The following GRIN2B variants were observed in gnomAD, a reference collection of about 807,000 sequenced individuals.
GRIN2B encodes the protein glutamate ionotropic receptor NMDA type subunit 2B.
Under a neutral mutation model 114.5 loss-of-function variants are expected in GRIN2B, and 5 were observed. That is an observed-to-expected ratio of 0.04 (90% CI 0.02 to 0.09). The LOEUF is 0.09. GRIN2B is among the 10% of genes least tolerant of loss of function. The pLI is 1.00. For missense variants in GRIN2B, 1,108 were observed against 1,943.5 expected, an observed-to-expected ratio of 0.57 and a Z score of 8.08; for synonymous variants, 787 against 745.1, an observed-to-expected ratio of 1.06 and a Z score of -0.92.
chr12:13,908,693 T>G (rs1022752010), intron 2 of GRIN2B, among the ~76,000 whole-genome samples: 1 of 152,126 alleles, frequency 6.6e-6, no homozygotes, highest in East Asian at 1.9e-4. Context: ...TTCAAATACA[T>G]GAAGGCAACT....
At position 13,557,407 on chromosome 12, in the gene GRIN2B, A is replaced by C. The variant is rs1321132685; in HGVS notation, c.*5376T>G. Reference sequence around the variant, plus strand: ...TATAGGATATAGACCAACTCAGCTAATTGGAAGATTAATTAAACTGGGACA... The same window carrying C: ...TATAGGATATAGACCAACTCAGCTACTTGGAAGATTAATTAAACTGGGACA... On this transcript the variant is annotated 3_prime_UTR_variant, in exon 14 of 14. Transcript: ENST00000609686. 6.6e-6 allele frequency: 1 copy of C among 152,208 alleles called. No homozygotes were observed. The highest frequency in any genetic ancestry group is 1.9e-4 in the East Asian group (1 of 5,208). The allele number at this position is 152,208 out of a possible 1,614,324, so 9.4% of individuals were successfully genotyped here.
At chr12:13,590,270 G>A (rs944967312) in intron 10 of GRIN2B, among the ~76,000 whole-genome samples, 22 of 150,628 alleles carry the variant, frequency 1.5e-4, no homozygotes, top group African/African-American at 4.9e-4. Context: ...TGTGTAGAAC[G>A]TGCAGGTTTG....
chr12:13,547,692 ACT>A lies in GRIN2B; in HGVS notation c.*15089_*15090del, dbSNP rs1411678345. On this transcript the variant is annotated 3_prime_UTR_variant, in exon 14 of 14. Coordinates refer to ENST00000609686, the MANE Select transcript of GRIN2B (RefSeq NM_000834.5). ...TTTTCCATCCAAAGGTGAACAGAAG[ACT>A]CTGCAGAGCATAATGTTGCTATGGC... 4 of 151,986 alleles carry A rather than the reference ACT, an allele frequency of 2.6e-5. No homozygotes were observed. Among genetic ancestry groups the A allele is most frequent in the African/African-American group, 9.7e-5 (4 of 41,394 alleles). The allele number at this position is 151,986 out of a possible 1,614,324, so 9.4% of individuals were successfully genotyped here. A position where few individuals can be genotyped will look rare whatever the true frequency, so the allele number is the denominator to read the frequency against.
At chr12:13,728,294 A>C (rs1221618784) in intron 4 of GRIN2B, among the ~76,000 whole-genome samples, 1 of 152,198 alleles carries the variant, frequency 6.6e-6, no homozygotes, top group Non-Finnish European at 1.5e-5. Context: ...TATGGGAACC[A>C]ATAAACTTTT....
At chr12:13,784,088 G>T (rs1864174728) in intron 3 of GRIN2B, among the ~76,000 whole-genome samples, 2 of 151,822 alleles carry the variant, frequency 1.3e-5, no homozygotes, top group South Asian at 4.2e-4. Context: ...GCCGGGCATG[G>T]TGGCAGGCAC....
chr12:13,822,928 C>T (rs1591751678), intron 3 of GRIN2B, among the ~76,000 whole-genome samples: 2 of 152,036 alleles, frequency 1.3e-5, no homozygotes, highest in African/African-American at 4.8e-5. Flanking sequence ...ATTTCAATAT[C>T]ATTTATTGAA....
intron 4 of GRIN2B, among the ~76,000 whole-genome samples, chr12:13,738,990 G>C (rs1307284159): frequency 3.3e-5 from 5 of 152,134 alleles, no homozygotes; most frequent in Non-Finnish European, 7.3e-5. Flanking sequence ...TGAAAACATG[G>C]TGAAGACAGC....
chr12:13,794,186 C>T (rs1396671028), intron 3 of GRIN2B, among the ~76,000 whole-genome samples: 4 of 94,158 alleles, frequency 4.2e-5, no homozygotes, highest in African/African-American at 1.3e-4. Context: ...GCAGCCTGGG[C>T]AATAGTGTGA....
In GRIN2B at chr12:13,792,690, G is replaced by T. The variant is rs539090247; in HGVS notation, c.412-38775C>A. On this transcript the variant is annotated intron_variant, in intron 3 of 13. Transcript: ENST00000609686. ...GAAGAAGACCGCAGGGTCTGAAAGA[G>T]GCCATGGTGCAAGGCAGATGCTGTG... Among the ~76,000 whole-genome samples the T allele has an allele frequency of 9.8e-5, 15 of 152,344 alleles. 1 individual carries two copies. The East Asian group carries it at 1.9e-3, about 20-fold the overall frequency.
chr12:13,722,628 A>G (rs1367333441), intron 4 of GRIN2B, among the ~76,000 whole-genome samples: 2 of 152,110 alleles, frequency 1.3e-5, no homozygotes, highest in Admixed American at 1.3e-4. Context: ...ACTTATAGAA[A>G]AGAGGATATG....
At chr12:13,609,494 C>A (rs1009961478) in intron 9 of GRIN2B, among the ~76,000 whole-genome samples, 1 of 152,146 alleles carries the variant, frequency 6.6e-6, no homozygotes, top group Non-Finnish European at 1.5e-5. Flanking sequence ...ATATCAGAGG[C>A]CAGGCATGGT....
At chr12:13,830,379 A>G (rs1350835174) in intron 3 of GRIN2B, among the ~76,000 whole-genome samples, 1 of 152,232 alleles carries the variant, frequency 6.6e-6, no homozygotes, top group African/African-American at 2.4e-5. Flanking sequence ...CTTTTTCAAC[A>G]CATGACTTCT....
chr12:13,853,979 C>T (rs549486357), intron 3 of GRIN2B, among the ~76,000 whole-genome samples: 6 of 151,896 alleles, frequency 4.0e-5, no homozygotes, highest in Non-Finnish European at 7.4e-5. Flanking sequence ...TCTAGCAGGA[C>T]GGAGAACTAA....
chr12:13,688,141 C>A lies in GRIN2B; in HGVS notation c.1011-12282G>T, dbSNP rs531857594. ...TCCACTTCTGAATGATTCTAAAGCC[C>A]ATTTTCCTTCCAATGCCCCACGCTA... On this transcript the variant is annotated intron_variant, in intron 4 of 13. Coordinates refer to ENST00000609686, the MANE Select transcript of GRIN2B (RefSeq NM_000834.5). 2.0e-5 allele frequency among the ~76,000 whole-genome samples: 3 copies of A among 152,256 alleles called. 1 individual carries two copies. The South Asian group carries it at 6.2e-4, about 32-fold the overall frequency.
chr12:13,633,567 G>A (rs1319184009), intron 5 of GRIN2B, among the ~76,000 whole-genome samples: 1 of 152,124 alleles, frequency 6.6e-6, no homozygotes, highest in Non-Finnish European at 1.5e-5. Flanking sequence ...TATTTACCAG[G>A]TATCGCCTGC....
chr12:13,737,232 G>A (rs1863201336), intron 4 of GRIN2B, among the ~76,000 whole-genome samples: 1 of 150,228 alleles, frequency 6.7e-6, no homozygotes, highest in Middle Eastern at 3.5e-3. Flanking sequence ...TTTTTTTTGA[G>A]ATGGAGTCTC....
intron 5 of GRIN2B, among the ~76,000 whole-genome samples, chr12:13,640,223 C>A (rs1049014175): frequency 4.6e-5 from 7 of 151,900 alleles, no homozygotes; most frequent in African/African-American, 1.7e-4. Context: ...TGTATTCCAG[C>A]CTGGATGACA....
intron 10 of GRIN2B, among the ~76,000 whole-genome samples, chr12:13,578,511 G>C (rs898745622): frequency 3.3e-5 from 5 of 152,016 alleles, no homozygotes; most frequent in African/African-American, 1.2e-4. Flanking sequence ...TCAGAGCCAG[G>C]CATTAGAGTA....
chr12:13,699,209 G>A lies in GRIN2B; in HGVS notation c.1011-23350C>T, dbSNP rs764531208. Among the ~76,000 whole-genome samples, 6 of 152,104 alleles carry A rather than the reference G, an allele frequency of 3.9e-5. No individual in the cohort carries two copies. The East Asian group carries it at 7.7e-4, about 20-fold the overall frequency. Reference sequence around the variant, plus strand: ...TGATTTTCGTATTGCTGCTGTGTACGTATTATATGCCTTGGGAAAGTTGGC... The same window carrying A: ...TGATTTTCGTATTGCTGCTGTGTACATATTATATGCCTTGGGAAAGTTGGC... On this transcript the variant is annotated intron_variant, in intron 4 of 13. Transcript: ENST00000609686.
Sources: gnomAD v4.1 joint callset for allele counts (sites outside exome capture counted in the v4.1 genomes callset) on GRCh38, gnomAD v4.1.1 for gene constraint, MANE v1.5 for transcripts, NCBI Gene and HGNC (gene_info 2026-07-23, HGNC 2026-07-21) for gene names.